FXYD2: variants seen among roughly 807,000 people sequenced by gnomAD.
The protein encoded by FXYD2 is FXYD domain containing ion transport regulator 2.
Under a neutral mutation model 11.8 loss-of-function variants are expected in FXYD2, and 8 were observed. The ratio of observed to expected loss-of-function variants is 0.68; its 90% confidence interval spans 0.40 to 1.22. FXYD2 has a LOEUF of 1.22. Ranked by LOEUF, FXYD2 falls within the 50% of genes most tolerant of loss-of-function variation. FXYD2 has a pLI of 0.01. For synonymous variants in FXYD2, 42 were observed against 33.3 expected, an observed-to-expected ratio of 1.26 and a Z score of -0.90; for missense variants, 92 against 91.8, an observed-to-expected ratio of 1.00 and a Z score of -0.01.
At chr11:117,825,596 G>A (rs138698876), upstream of FXYD2, among the ~76,000 whole-genome samples, 12 of 152,280 alleles carry the variant, frequency 7.9e-5, no homozygotes, top group East Asian at 1.9e-3. Flanking sequence ...AGAGAGGTAG[G>A]GGCCTTGCCC....
upstream of FXYD2, among the ~76,000 whole-genome samples, chr11:117,825,658 G>C (rs2056021828): frequency 6.6e-6 from 1 of 152,170 alleles, no homozygotes; most frequent in African/African-American, 2.4e-5. Flanking sequence ...CAGGCCTCCT[G>C]CTGCAGGAGG....
intron 5 of FXYD2, 139 bp downstream of exon 5, chr11:117,820,527 G>A (rs967877014): frequency 7.5e-6 from 8 of 1,071,090 alleles, no homozygotes; most frequent in Non-Finnish European, 9.7e-6. Flanking sequence ...TTAAACACAC[G>A]ATGGGTGACA....
At chr11:117,820,615 C>G in intron 5 of FXYD2, 51 bp downstream of exon 5, 1 of 1,611,310 alleles carries the variant, frequency 6.2e-7, no homozygotes, top group Non-Finnish European at 8.5e-7. Context: ...CCCTGTTGCT[C>G]CCAAGCCTGC....
At chr11:117,827,318 C>T (rs549653624), upstream of FXYD2, among the ~76,000 whole-genome samples, 242 of 152,244 alleles carry the variant, frequency 1.6e-3, no homozygotes, top group Non-Finnish European at 3.0e-3. Context: ...GGTGCGATCT[C>T]GACTCACTGC....
chr11:117,825,283 T>C (rs1177205648), upstream of FXYD2, among the ~76,000 whole-genome samples: 1 of 152,154 alleles, frequency 6.6e-6, no homozygotes, highest in Non-Finnish European at 1.5e-5. Flanking sequence ...TCATCTGTCA[T>C]CCTATTCACC....
At chr11:117,823,248 C>T (rs1041036619) in intron 1 of FXYD2, among the ~76,000 whole-genome samples, 2 of 152,196 alleles carry the variant, frequency 1.3e-5, no homozygotes, top group Non-Finnish European at 2.9e-5. Flanking sequence ...TCAGGGGAAG[C>T]AGATCTAGTT....
Position 117,820,565 on chromosome 11 carries a change from C to T in FXYD2, c.*6+101G>A, listed in dbSNP as rs559192490. 50 of 1,501,722 alleles carry T rather than the reference C, an allele frequency of 3.3e-5. No individual in the cohort carries two copies. The South Asian group carries it at 5.7e-4, about 17-fold the overall frequency. The allele number at this position is 1,501,722 out of a possible 1,614,324, so 93.0% of individuals were successfully genotyped here. On this transcript the variant is annotated intron_variant, in intron 5 of 5. Coordinates refer to ENST00000292079, the MANE Select transcript of FXYD2 (RefSeq NM_001680.5). ...CCACCTGGCTGATGTGTGGACGACC[C>T]TAAAATTCTTATTTACCGAGTCCAG...
upstream of FXYD2, among the ~76,000 whole-genome samples, chr11:117,826,798 A>G (rs201869441): frequency 9.7e-4 from 139 of 143,586 alleles, no homozygotes; most frequent in East Asian, 6.3e-3. Flanking sequence ...CTATCTATCT[A>G]TCTATCTATC....
At chr11:117,827,495 C>T (rs1373205147), upstream of FXYD2, among the ~76,000 whole-genome samples, 9 of 152,342 alleles carry the variant, frequency 5.9e-5, no homozygotes, top group Admixed American at 2.0e-4. Flanking sequence ...ATAATCCGCC[C>T]GCCTTGGCCT....
chr11:117,822,816 C>G lies in FXYD2; in HGVS notation c.26-99G>C. ...TGTCCTTCCCTTCCCAGAGGACCCT[C>G]GAGGGTCCAAGCAGGCGAGGGGAGG... On this transcript the variant is annotated intron_variant, in intron 1 of 5. Coordinates refer to ENST00000292079, the MANE Select transcript of FXYD2 (RefSeq NM_001680.5). This position sits in a 1 kb window ranked among gnomAD's most constrained non-coding sequence, Gnocchi z 4.7. 2.0e-6 allele frequency: 3 copies of G among 1,509,692 alleles called. No individual in the cohort carries two copies. The highest frequency in any genetic ancestry group is 1.2e-5 in the South Asian group (1 of 84,150). 93.5% of individuals were successfully genotyped at this position (1,509,692 alleles called of 1,614,324 possible).
intron 3 of FXYD2, chr11:117,821,460 T>C: frequency 2.0e-6 from 2 of 986,546 alleles, no homozygotes; most frequent in Non-Finnish European, 2.4e-6. Context: ...GGTGGTCTGT[T>C]GGCATATCGA....
rs1438111538 is a variant in FXYD2 at position 117,824,685 on chromosome 11, A to G, written c.-7T>C. ...CCATCGACAACCCAGTCATTTCCCCAGGTGAATGGGCTGCCTCCACTCCCC... is the reference window on the plus strand; with the variant it reads ...CCATCGACAACCCAGTCATTTCCCCGGGTGAATGGGCTGCCTCCACTCCCC... On this transcript the variant is annotated 5_prime_UTR_variant, in exon 1 of 6. Coordinates refer to ENST00000292079, the MANE Select transcript of FXYD2 (RefSeq NM_001680.5). The surrounding 1 kb of genome is among the most constrained non-coding windows in gnomAD (Gnocchi z 4.0). 1 of 1,613,842 alleles carries G rather than the reference A, an allele frequency of 6.2e-7. No homozygotes were observed. Among genetic ancestry groups the G allele is most frequent in the East Asian group, 2.2e-5 (1 of 44,876 alleles).
At chr11:117,824,905 G>A (rs946399980), upstream of FXYD2, among the ~76,000 whole-genome samples, 1 of 152,220 alleles carries the variant, frequency 6.6e-6, no homozygotes, top group Non-Finnish European at 1.5e-5. The surrounding 1 kb of genome is among the most constrained non-coding windows in gnomAD (Gnocchi z 4.0). Context: ...GGAGGAGCTG[G>A]CTGAGTTTCC....
Position 117,820,300 on chromosome 11 carries a change from A to G in FXYD2, c.*79T>C. ...ACAAAGGTCTAAAGCCCAGGGAAGA[A>G]GGGGAGGCGCCAGAGGCAGGGCCAT... On this transcript the variant is annotated 3_prime_UTR_variant, in exon 6 of 6. Transcript: ENST00000292079. 1 of 321,894 alleles carries G rather than the reference A, an allele frequency of 3.1e-6. No homozygotes were observed. The highest frequency in any genetic ancestry group is 5.7e-6 in the Non-Finnish European group (1 of 175,026). 19.9% of individuals were successfully genotyped at this position (321,894 alleles called of 1,614,324 possible). A position where few individuals can be genotyped will look rare whatever the true frequency, so the allele number is the denominator to read the frequency against.
rs911750496 is a variant in FXYD2, at chr11:117,822,252, C to T, written c.139+154G>A. The T allele has an allele frequency of 5.3e-6, 8 of 1,519,724 alleles. No individual in the cohort carries two copies. The highest frequency in any genetic ancestry group is 7.1e-6 in the Non-Finnish European group (8 of 1,133,584). The allele number at this position is 1,519,724 out of a possible 1,614,324, so 94.1% of individuals were successfully genotyped here. A position where few individuals can be genotyped will look rare whatever the true frequency, so the allele number is the denominator to read the frequency against. ...CACTGTGCTCCCAGCGAGCCTGGCA[C>T]CCCACCGGGCACCCATTCCCACATC... On this transcript the variant is annotated intron_variant, in intron 3 of 5. Transcript: ENST00000292079. The surrounding 1 kb of genome is among the most constrained non-coding windows in gnomAD (Gnocchi z 4.7).
upstream of FXYD2, among the ~76,000 whole-genome samples, chr11:117,826,822 ATCTG>A (rs1555040338): frequency 5.0e-5 from 7 of 138,624 alleles, no homozygotes; most frequent in Admixed American, 7.2e-5. Flanking sequence ...CTATCTATCT[ATCTG>A]TCTATCTATC....
In FXYD2 at chr11:117,822,601, C is replaced by T. The variant is rs764506296; in HGVS notation, c.64+78G>A. ...GGAGATAAGGGGCACAGAGCATGGA[C>T]CTGGGGCTGGGAGAGGCCGCTGCTT... On this transcript the variant is annotated intron_variant, in intron 2 of 5. Coordinates refer to ENST00000292079, the MANE Select transcript of FXYD2 (RefSeq NM_001680.5). The surrounding 1 kb of genome is among the most constrained non-coding windows in gnomAD (Gnocchi z 4.7). 1.3e-6 allele frequency: 2 copies of T among 1,579,590 alleles called. No homozygotes were observed. The highest frequency in any genetic ancestry group is 1.7e-6 in the Non-Finnish European group (2 of 1,163,444).
chr11:117,824,460 T>C lies in FXYD2; in HGVS notation c.25+194A>G. The C allele has an allele frequency of 1.5e-6, 1 of 645,742 alleles. No homozygotes were observed. The highest frequency in any genetic ancestry group is 2.8e-6 in the Non-Finnish European group (1 of 354,492). The allele number at this position is 645,742 out of a possible 1,614,324, so 40.0% of individuals were successfully genotyped here. ...TTCTGCCACTCAAGCTATCTTTCTTTGGGGTTAAAGCAGGGTCCTCCTTTA... is the reference window on the plus strand; with the variant it reads ...TTCTGCCACTCAAGCTATCTTTCTTCGGGGTTAAAGCAGGGTCCTCCTTTA... On this transcript the variant is annotated intron_variant, in intron 1 of 5. Coordinates refer to ENST00000292079, the MANE Select transcript of FXYD2 (RefSeq NM_001680.5). The surrounding 1 kb of genome is among the most constrained non-coding windows in gnomAD (Gnocchi z 4.0).
At chr11:117,827,085 G>GAGATAGAT (rs61369941), upstream of FXYD2, among the ~76,000 whole-genome samples, 96 of 138,614 alleles carry the variant, frequency 6.9e-4, no homozygotes, top group South Asian at 1.2e-3. Context: ...GATAAATAGA[G>GAGATAGAT]AGATAGATAG....
Sources: allele counts gnomAD v4.1 joint callset (sites outside exome capture counted in the v4.1 genomes callset), GRCh38; gene constraint gnomAD v4.1.1; non-coding constraint Gnocchi (gnomAD v3.1); transcripts MANE v1.5; gene names NCBI Gene and HGNC (gene_info 2026-07-23, HGNC 2026-07-21).